ENTREP2: variants seen among roughly 807,000 people sequenced by gnomAD.
ENTREP2 encodes the protein protein ENTREP2.
chr15:29,618,280 G>A, the ENTREP2 span, among the ~76,000 whole-genome samples: 1 of 152,032 alleles, frequency 6.6e-6, no homozygotes, highest in Admixed American at 6.6e-5. Context: ...AAAATTAGCT[G>A]GGCGTGGTGG....
chr15:29,373,966 T>C, the ENTREP2 span: 1 of 152,152 alleles, frequency 6.6e-6, no homozygotes, highest in East Asian at 1.9e-4. Flanking sequence ...TAAAAATATG[T>C]ACGCATCTGT....
the ENTREP2 span, among the ~76,000 whole-genome samples, chr15:29,528,896 A>C: frequency 2.0e-5 from 3 of 152,120 alleles, no homozygotes; most frequent in African/African-American, 7.2e-5. Flanking sequence ...ACAACCATTA[A>C]AAATAACTGG....
At chr15:29,610,126 T>C in the ENTREP2 span, 43,240 of 149,840 alleles carry the variant, frequency 0.29, 7,926 homozygotes, top group African/African-American at 0.36. Flanking sequence ...CAGTTCAGAG[T>C]GGAGATGCCT....
At chr15:29,425,496 T>A in the ENTREP2 span, among the ~76,000 whole-genome samples, 1 of 152,230 alleles carries the variant, frequency 6.6e-6, no homozygotes, top group African/African-American at 2.4e-5. Flanking sequence ...CTATTTGTGT[T>A]TGTTTGTTTG....
chr15:29,438,565 A>G, the ENTREP2 span, among the ~76,000 whole-genome samples: 2 of 151,722 alleles, frequency 1.3e-5, no homozygotes, highest in Admixed American at 1.3e-4. Context: ...CCAGCCCATG[A>G]AGACAGACTT....
the ENTREP2 span, among the ~76,000 whole-genome samples, chr15:29,597,366 C>T: frequency 1.3e-4 from 20 of 151,830 alleles, no homozygotes; most frequent in African/African-American, 4.4e-4. Context: ...GTCAGGAGTT[C>T]GAGACCAGCC....
At chr15:29,558,920 C>T in the ENTREP2 span, among the ~76,000 whole-genome samples, 1 of 151,664 alleles carries the variant, frequency 6.6e-6, no homozygotes, top group Non-Finnish European at 1.5e-5. Flanking sequence ...CAGCATATAA[C>T]GCATATACAA....
At chr15:29,656,908 G>A in the ENTREP2 span, among the ~76,000 whole-genome samples, 2 of 152,124 alleles carry the variant, frequency 1.3e-5, no homozygotes, top group African/African-American at 2.4e-5. Context: ...AACGTTTAAA[G>A]CAGCTTTTTA....
chr15:29,521,084 T>C, the ENTREP2 span, among the ~76,000 whole-genome samples: 2 of 152,146 alleles, frequency 1.3e-5, no homozygotes, highest in Non-Finnish European at 2.9e-5. Flanking sequence ...TTGTCCCTAC[T>C]TGGTGGCAGA....
chr15:29,458,802 C>T, the ENTREP2 span, among the ~76,000 whole-genome samples: 5 of 152,230 alleles, frequency 3.3e-5, no homozygotes, highest in Admixed American at 6.5e-5. Flanking sequence ...CAGCAGAATA[C>T]GTCTCCTCTG....
the ENTREP2 span, chr15:29,128,805 A>G: frequency 1.3e-6 from 2 of 1,550,914 alleles, no homozygotes; most frequent in East Asian, 2.4e-5. Flanking sequence ...TGCTGAAGCC[A>G]GCACTGGTGT....
the ENTREP2 span, among the ~76,000 whole-genome samples, chr15:29,541,231 C>T: frequency 6.6e-6 from 1 of 152,180 alleles, no homozygotes; most frequent in South Asian, 2.1e-4. Context: ...GAGGACCCAA[C>T]AACTGACCCG....
chr15:29,489,971 T>C, the ENTREP2 span, among the ~76,000 whole-genome samples: 2 of 152,254 alleles, frequency 1.3e-5, no homozygotes, highest in African/African-American at 4.8e-5. Context: ...GAAATGAAAC[T>C]GTCTCTAAAT....
the ENTREP2 span, among the ~76,000 whole-genome samples, chr15:29,321,763 T>C: frequency 6.6e-6 from 1 of 151,906 alleles, no homozygotes; most frequent in African/African-American, 2.4e-5. Flanking sequence ...TTAAAAGTAG[T>C]TCTTTGCAAT....
the ENTREP2 span, among the ~76,000 whole-genome samples, chr15:29,210,517 G>C: frequency 3.3e-5 from 5 of 152,160 alleles, no homozygotes; most frequent in African/African-American, 1.2e-4. Context: ...TCATAGGAGC[G>C]CGATTCCTAT....
chr15:29,278,940 G>A, the ENTREP2 span, among the ~76,000 whole-genome samples: 2 of 152,140 alleles, frequency 1.3e-5, no homozygotes, highest in Non-Finnish European at 2.9e-5. Context: ...TCCTCCTGAG[G>A]CTTCTCTCCT....
At chr15:29,405,859 C>T in the ENTREP2 span, among the ~76,000 whole-genome samples, 3 of 152,358 alleles carry the variant, frequency 2.0e-5, no homozygotes, top group South Asian at 2.1e-4. Context: ...CACAGCCCCA[C>T]GGAGGCAGCA....
chr15:29,618,538 C>T, the ENTREP2 span, among the ~76,000 whole-genome samples: 1 of 152,110 alleles, frequency 6.6e-6, no homozygotes, highest in African/African-American at 2.4e-5. Flanking sequence ...CAGCAGGTTG[C>T]CAGCCACTAA....
chr15:29,568,581 G>A, the ENTREP2 span, among the ~76,000 whole-genome samples: 1 of 151,980 alleles, frequency 6.6e-6, no homozygotes, highest in East Asian at 1.9e-4. Flanking sequence ...GTACACACCT[G>A]TAGTCCTAGC....
Sources: gnomAD v4.1 joint callset for allele counts (sites outside exome capture counted in the v4.1 genomes callset) on GRCh38, gnomAD v4.1.1 for gene constraint, MANE v1.5 for transcripts, NCBI Gene and HGNC (gene_info 2026-07-23, HGNC 2026-07-21) for gene names.